MAST4: variants seen among roughly 807,000 people sequenced by gnomAD.
MAST4 encodes the protein microtubule-associated serine/threonine-protein kinase 4.
MAST4 carries 89 observed loss-of-function variants against 162.7 expected under a neutral mutation model. The ratio of observed to expected loss-of-function variants is 0.55; its 90% CI spans 0.46 to 0.65. The LOEUF is 0.65. Ranked by LOEUF, MAST4 falls within the 30% of genes least tolerant of loss-of-function variation. MAST4 has a pLI of 0.00. For missense variants in MAST4, 3,153 were observed against 3,374.0 expected, an observed-to-expected ratio of 0.93 and a Z score of 1.62; for synonymous variants, 1,479 against 1,361.1, an observed-to-expected ratio of 1.09 and a Z score of -1.91.
chr5:66,747,103 TG>T (rs1752809357), intron 1 of MAST4, among the ~76,000 whole-genome samples: 3 of 141,288 alleles, frequency 2.1e-5, no homozygotes, highest in African/African-American at 5.9e-5. Context: ...GCATGGTGTG[TG>T]TGTGTGTGTG....
At chr5:66,651,849 G>A (rs981756544) in intron 1 of MAST4, among the ~76,000 whole-genome samples, 1 of 152,180 alleles carries the variant, frequency 6.6e-6, no homozygotes, top group Non-Finnish European at 1.5e-5. Context: ...GGGACTGAGG[G>A]CCTCTCCTCA....
chr5:66,609,824 A>G (rs1743174597), intron 1 of MAST4, among the ~76,000 whole-genome samples: 1 of 151,446 alleles, frequency 6.6e-6, no homozygotes, highest in Non-Finnish European at 1.5e-5. Context: ...TGGAGTGTAT[A>G]GTACCATACA....
intron 1 of MAST4, among the ~76,000 whole-genome samples, chr5:66,705,690 T>G (rs766498978): frequency 1.1e-4 from 17 of 152,234 alleles, no homozygotes; most frequent in Non-Finnish European, 2.1e-4. Context: ...TTCATGATTT[T>G]TTAATCAGAA....
rs573745110 is a variant in MAST4 at position 66,614,816 on chromosome 5, A to G, written c.363+17798A>G. On this transcript the variant is annotated intron_variant, in intron 1 of 28. Transcript: ENST00000403625. The stretch of plus-strand genomic sequence containing the variant: ...GGGACACATGCAGGGAGAGATCTAT[A>G]GTTCCCTCGTGTTGGGAGGTGATGG... Among the ~76,000 whole-genome samples the G allele has an allele frequency of 1.2e-4, 19 of 152,272 alleles. No homozygotes were observed. The East Asian group carries it at 3.7e-3, about 29-fold the overall frequency.
intron 3 of MAST4, among the ~76,000 whole-genome samples, chr5:66,856,614 T>C (rs1054059430): frequency 2.6e-5 from 4 of 152,242 alleles, no homozygotes; most frequent in African/African-American, 9.6e-5. Context: ...AGTTCCTGTG[T>C]GTTGCCTTTA....
chr5:66,719,355 G>A (rs80164752), intron 1 of MAST4, among the ~76,000 whole-genome samples: 118 of 152,248 alleles, frequency 7.8e-4, no homozygotes, highest in African/African-American at 2.8e-3. Context: ...GAGAAACAGG[G>A]CAGGGAAGGA....
At chr5:66,854,967 G>A (rs899919864) in intron 3 of MAST4, among the ~76,000 whole-genome samples, 1 of 152,166 alleles carries the variant, frequency 6.6e-6, no homozygotes, top group Non-Finnish European at 1.5e-5. Flanking sequence ...TGCCTTGCTA[G>A]ATTTGTGAGT....
intron 1 of MAST4, among the ~76,000 whole-genome samples, chr5:66,682,070 C>T (rs1365560434): frequency 6.6e-6 from 1 of 152,192 alleles, no homozygotes; most frequent in Non-Finnish European, 1.5e-5. Context: ...TATTTCACAT[C>T]ATAAACACAT....
At chr5:66,878,149 A>G (rs1761430787) in intron 3 of MAST4, among the ~76,000 whole-genome samples, 2 of 152,204 alleles carry the variant, frequency 1.3e-5, no homozygotes, top group Admixed American at 6.5e-5. Context: ...ACCTATCATG[A>G]TTGGATCATA....
chr5:66,824,920 G>A (rs900865910), intron 3 of MAST4, among the ~76,000 whole-genome samples: 1 of 152,202 alleles, frequency 6.6e-6, no homozygotes, highest in Non-Finnish European at 1.5e-5. Flanking sequence ...GAGCTTGCAG[G>A]ATTGGAAGTT....
Position 66,711,395 on chromosome 5 carries a change from G to A in MAST4, c.364-48314G>A, listed in dbSNP as rs1379886121. Among the ~76,000 whole-genome samples, 4 of 152,190 alleles carry A rather than the reference G, an allele frequency of 2.6e-5. No homozygotes were observed. The East Asian group carries it at 5.8e-4, about 22-fold the overall frequency. ...GTCTGGGAGAAGAATCAATTTCCTC[G>A]ACTTTTCCAGCTTCTGATGGCCGCC... On this transcript the variant is annotated intron_variant, in intron 1 of 28. Coordinates refer to ENST00000403625, the MANE Select transcript of MAST4 (RefSeq NM_001164664.2).
chr5:66,904,816 A>G (rs777282612), intron 4 of MAST4, among the ~76,000 whole-genome samples: 1 of 149,180 alleles, frequency 6.7e-6, no homozygotes, highest in Non-Finnish European at 1.5e-5. Context: ...TAGATTTGCT[A>G]CAGGAGTATA....
intron 1 of MAST4, among the ~76,000 whole-genome samples, chr5:66,666,694 A>G (rs1405061170): frequency 6.6e-6 from 1 of 152,212 alleles, no homozygotes; most frequent in African/African-American, 2.4e-5. Flanking sequence ...GTAAGCCCAC[A>G]GTTTGATACT....
intron 1 of MAST4, among the ~76,000 whole-genome samples, chr5:66,742,798 T>G (rs1752547460): frequency 6.6e-6 from 1 of 152,132 alleles, no homozygotes; most frequent in Non-Finnish European, 1.5e-5. Flanking sequence ...TGGAGCCAGA[T>G]CTTGTCGTCA....
At chr5:66,652,674 AG>A (rs1746305829) in intron 1 of MAST4, among the ~76,000 whole-genome samples, 1 of 152,124 alleles carries the variant, frequency 6.6e-6, no homozygotes, top group Admixed American at 6.5e-5. Flanking sequence ...TTTTGTTGCC[AG>A]TTCTTAGCTC....
chr5:67,134,622 T>C lies in MAST4; in HGVS notation c.2326T>C (p.Phe776Leu). Reference sequence around the variant, plus strand: ...GGCCATGGGGATTATCCTCTATGAATTTCTGGTTGGATGCGTGCCATTCTT... The same window carrying C: ...GGCCATGGGGATTATCCTCTATGAACTTCTGGTTGGATGCGTGCCATTCTT... ...WWAMGIILYE[F>L]LVGCVPFFGD... The change falls in exon 18 of 29, where the codon TTT (phenylalanine) becomes CTT (leucine). Residue 776 changes from phenylalanine to leucine, a missense_variant. Phe to Leu is a conservative substitution (Grantham distance 22). Coordinates refer to ENST00000403625, the MANE Select transcript of MAST4 (RefSeq NM_001164664.2). 1 of 1,613,762 alleles carries C rather than the reference T, an allele frequency of 6.2e-7. No individual in the cohort carries two copies. Among genetic ancestry groups the C allele is most frequent in the Non-Finnish European group, 8.5e-7 (1 of 1,179,746 alleles).
chr5:67,081,422 A>G (rs1762641993), intron 5 of MAST4, among the ~76,000 whole-genome samples: 2 of 152,034 alleles, frequency 1.3e-5, no homozygotes, highest in African/African-American at 4.8e-5. Flanking sequence ...GGTGAATGTA[A>G]AACAGGCATC....
At chr5:66,702,355 A>G (rs1006789563) in intron 1 of MAST4, among the ~76,000 whole-genome samples, 5 of 152,142 alleles carry the variant, frequency 3.3e-5, no homozygotes, top group Non-Finnish European at 5.9e-5. Context: ...CTTTCCTCTC[A>G]TGGAGCTGAC....
chr5:66,641,627 G>A (rs1183617301), intron 1 of MAST4, among the ~76,000 whole-genome samples: 4 of 152,180 alleles, frequency 2.6e-5, no homozygotes, highest in Non-Finnish European at 5.9e-5. Flanking sequence ...TTCCAGCTCT[G>A]GAGTGGAAAA....
Sources: allele counts gnomAD v4.1 joint callset (sites outside exome capture counted in the v4.1 genomes callset), GRCh38; gene constraint gnomAD v4.1.1; transcripts MANE v1.5; gene names NCBI Gene and HGNC (gene_info 2026-07-23, HGNC 2026-07-21).